Variants in ZNF157 observed in about 807,000 individuals in gnomAD.
ZNF157 encodes the protein zinc finger protein 22.
In ZNF157, 8 loss-of-function variants were observed where a neutral mutation model predicts 9.4. The ratio of observed to expected loss-of-function variants is 0.85; its 90% CI spans 0.50 to 1.53. ZNF157 has a LOEUF of 1.53. Ranked by LOEUF, ZNF157 falls within the 40% of genes most tolerant of loss-of-function variation. The probability of loss-of-function intolerance (pLI) is 0.00; values close to 1 mark genes in which losing one functional copy is unlikely to be tolerated. For missense variants in ZNF157, 316 were observed against 385.2 expected (o/e 0.82, Z 1.50); for synonymous variants, 120 against 130.8 (o/e 0.92, Z 0.56).
intron 1 of ZNF157, among the ~76,000 whole-genome samples, chrX:47,383,580 C>T (rs1488689996): frequency 2.0e-5 from 2 of 102,082 alleles, no homozygotes; most frequent in Non-Finnish European, 3.9e-5. Flanking sequence ...TGGTGGTGCA[C>T]GCCTGTAATT....
chrX:47,374,316 C>A (rs908501220), intron 1 of ZNF157, among the ~76,000 whole-genome samples: 1 of 110,688 alleles, frequency 9.0e-6, no homozygotes, highest in African/African-American at 3.3e-5. Flanking sequence ...TATTTCTACT[C>A]CTACACAGTG....
intron 1 of ZNF157, 49 bp downstream of exon 1, chrX:47,370,789 T>G: frequency 1.0e-6 from 1 of 995,089 alleles, no homozygotes; most frequent in Non-Finnish European, 1.3e-6. Flanking sequence ...ATTTTTTTAT[T>G]TATTTTTAGT....
intron 1 of ZNF157, among the ~76,000 whole-genome samples, chrX:47,407,397 CTG>C (rs960363243): frequency 1.8e-5 from 2 of 112,081 alleles, no homozygotes; most frequent in African/African-American, 6.5e-5. Flanking sequence ...AGAGGAAAGA[CTG>C]TATAGAATTG....
intron 1 of ZNF157, among the ~76,000 whole-genome samples, chrX:47,404,372 C>T (rs141551266): frequency 2.7e-3 from 299 of 109,123 alleles, no homozygotes; most frequent in South Asian, 9.3e-3. Flanking sequence ...ACCATGTTGG[C>T]CAGGCTGGTC....
intron 1 of ZNF157, among the ~76,000 whole-genome samples, chrX:47,383,684 GAA>G (rs11324804): frequency 9.9e-4 from 41 of 41,573 alleles, no homozygotes; most frequent in East Asian, 5.3e-3. Context: ...CTCTGTCTCA[GAA>G]AAAAAAAAAA....
chrX:47,397,625 G>A (rs2055917728), intron 1 of ZNF157, among the ~76,000 whole-genome samples: 1 of 110,986 alleles, frequency 9.0e-6, no homozygotes, highest in Admixed American at 9.7e-5. Flanking sequence ...ATGTTGGCCA[G>A]GGTAGCCTAG....
chrX:47,377,480 G>A (rs2055848148), intron 1 of ZNF157, among the ~76,000 whole-genome samples: 1 of 110,617 alleles, frequency 9.0e-6, no homozygotes, highest in Non-Finnish European at 1.9e-5. Flanking sequence ...TTTTGAGACA[G>A]TGCAGTGGTA....
At chrX:47,410,071 C>CT (rs1351673512) in intron 1 of ZNF157, among the ~76,000 whole-genome samples, 1 of 111,800 alleles carries the variant, frequency 8.9e-6, no homozygotes, top group Non-Finnish European at 1.9e-5. Context: ...GTGCAGTGAT[C>CT]TTTTTTTCAT....
chrX:47,405,502 C>T (rs904540811), intron 1 of ZNF157, among the ~76,000 whole-genome samples: 2 of 111,249 alleles, frequency 1.8e-5, no homozygotes, highest in African/African-American at 6.5e-5. Flanking sequence ...TGCATGGGGT[C>T]ACAGAGCCAA....
chrX:47,393,040 A>G (rs1442403646), intron 1 of ZNF157, among the ~76,000 whole-genome samples: 1 of 110,429 alleles, frequency 9.1e-6, no homozygotes, highest in African/African-American at 3.3e-5. Flanking sequence ...CTGTAATCCC[A>G]GCTTCTCAGG....
chrX:47,404,726 T>C (rs1179555596), intron 1 of ZNF157, among the ~76,000 whole-genome samples: 1 of 111,279 alleles, frequency 9.0e-6, no homozygotes, highest in Non-Finnish European at 1.9e-5. Flanking sequence ...TGGCTTTCTC[T>C]AATTCCTAAC....
intron 1 of ZNF157, among the ~76,000 whole-genome samples, chrX:47,382,970 A>G (rs974752335): frequency 7.2e-5 from 8 of 111,089 alleles, no homozygotes; most frequent in Non-Finnish European, 1.5e-4. Flanking sequence ...GCTTCCCTTC[A>G]GGGATCCCAC....
chrX:47,376,929 C>T (rs1442645765), intron 1 of ZNF157, among the ~76,000 whole-genome samples: 1 of 111,554 alleles, frequency 9.0e-6, no homozygotes, highest in Non-Finnish European at 1.9e-5. Flanking sequence ...GACTAGATTG[C>T]CTTTGTAGGA....
chrX:47,410,323 G>A lies in ZNF157; in HGVS notation c.120G>A (p.Glu40=), dbSNP rs374517432. 1.4e-4 allele frequency: 175 copies of A among 1,209,447 alleles called. No homozygotes were observed. Among genetic ancestry groups the A allele is most frequent in the Non-Finnish European group, 1.8e-4 (165 of 895,096 alleles). The change falls in exon 2 of 4, where the codon GAG becomes GAA. Residue 40 remains glutamate, a synonymous_variant. Transcript: ENST00000377073. The part of the protein sequence containing the change: ...EDVAVDFTRQ[E]WHRLDPAQRT... ...TGGCTGTGGATTTCACCCGACAGGA[G>A]TGGCACAGACTGGACCCTGCTCAGA...
intron 1 of ZNF157, among the ~76,000 whole-genome samples, chrX:47,405,956 C>T (rs745612907): frequency 4.5e-4 from 49 of 110,092 alleles, no homozygotes; most frequent in Non-Finnish European, 8.9e-4. Flanking sequence ...GCACCCATCA[C>T]ACAAGCAGTA....
At chrX:47,409,833 G>GT (rs1409611275) in intron 1 of ZNF157, among the ~76,000 whole-genome samples, 1 of 145 alleles carries the variant, frequency 6.9e-3, no homozygotes, top group African/African-American at 0.015. Context: ...TAGTAGAGAT[G>GT]GGGTTCACCC....
In ZNF157 at chrX:47,383,395, A is replaced by AAAG. The variant is rs1393971898; in HGVS notation, c.72+12657_72+12658insGAA. On this transcript the variant is annotated intron_variant, in intron 1 of 3. Transcript: ENST00000377073. ...TCAAAAAAAAAAAAAAAAAAAAAAA[A>AAAG]AAAGAAATGGGATGGCTGGGCTTTG... Among the ~76,000 whole-genome samples, 5 of 95,822 alleles carry AAAG rather than the reference A, an allele frequency of 5.2e-5. No individual in the cohort carries two copies. The East Asian group carries it at 1.6e-3, about 30-fold the overall frequency. 83.2% of individuals were successfully genotyped at this position (95,822 alleles called of 115,157 possible). A position where few individuals can be genotyped will look rare whatever the true frequency, so the allele number is the denominator to read the frequency against.
At chrX:47,387,927 C>G (rs1242551323) in intron 1 of ZNF157, among the ~76,000 whole-genome samples, 1 of 101,811 alleles carries the variant, frequency 9.8e-6, no homozygotes, top group Non-Finnish European at 2.0e-5. Flanking sequence ...AATGCTTCTA[C>G]GGAGAAATCA....
At chrX:47,371,335 CAAA>C (rs767641358) in intron 1 of ZNF157, among the ~76,000 whole-genome samples, 1 of 84,399 alleles carries the variant, frequency 1.2e-5, no homozygotes. Flanking sequence ...GACCCTGTCT[CAAA>C]AAAAAAAAAA....
Sources: gnomAD v4.1 joint callset for allele counts (sites outside exome capture counted in the v4.1 genomes callset) on GRCh38, gnomAD v4.1.1 for gene constraint, MANE v1.5 for transcripts, NCBI Gene and HGNC (gene_info 2026-07-23, HGNC 2026-07-21) for gene names.